Variants in NSL1 observed in about 807,000 individuals in gnomAD.
NSL1 encodes kinetochore-associated protein NSL1 homolog.
Under a neutral mutation model 25.4 loss-of-function variants are expected in NSL1, and 11 were observed. That is an observed-to-expected ratio of 0.43 (90% CI 0.27 to 0.72). The LOEUF (loss-of-function observed/expected upper bound fraction) is 0.72. Among genes scored for constraint, NSL1 ranks in the 30% least tolerant of loss-of-function variants. The pLI is 0.19. For missense variants in NSL1, 330 were observed against 342.7 expected (o/e 0.96, Z 0.29); for synonymous variants, 118 against 120.6 (o/e 0.98, Z 0.14).
chr1:212,756,277 G>A (rs573872252), intron 4 of NSL1, among the ~76,000 whole-genome samples: 1 of 152,084 alleles, frequency 6.6e-6, no homozygotes, highest in African/African-American at 2.4e-5. Flanking sequence ...GCACCACCAT[G>A]CTTGGCTAAT....
chr1:212,768,319 CAAAAAAAA>C (rs34528216), intron 4 of NSL1, among the ~76,000 whole-genome samples: 1 of 68,906 alleles, frequency 1.5e-5, no homozygotes, highest in South Asian at 5.5e-4. Flanking sequence ...GACTCCGTCT[CAAAAAAAA>C]AAAAAAAAAA....
At chr1:212,789,975 TACAG>T (rs1661111942) in intron 1 of NSL1, among the ~76,000 whole-genome samples, 1 of 152,054 alleles carries the variant, frequency 6.6e-6, no homozygotes, top group Admixed American at 6.5e-5. Flanking sequence ...CAAAACTACA[TACAG>T]AGTCACAACC....
At chr1:212,738,765 A>AT in intron 5 of NSL1, 79 bp from the exon 6 acceptor site, 2 of 1,146,140 alleles carry the variant, frequency 1.7e-6, no homozygotes, top group Non-Finnish European at 2.4e-6. Flanking sequence ...GCAGTACTCT[A>AT]ATTTTTTTTT....
chr1:212,747,861 T>A (rs1264067812), intron 4 of NSL1, among the ~76,000 whole-genome samples: 2 of 152,082 alleles, frequency 1.3e-5, no homozygotes, highest in East Asian at 3.9e-4. Flanking sequence ...TGCCTCCTGG[T>A]TCAAGTGATT....
chr1:212,766,508 G>A (rs1178212779), intron 4 of NSL1, among the ~76,000 whole-genome samples: 1 of 151,798 alleles, frequency 6.6e-6, no homozygotes, highest in African/African-American at 2.4e-5. Context: ...AGCCAGGCAT[G>A]GTGGCAGGCG....
chr1:212,767,515 G>T (rs1490926748), intron 4 of NSL1, among the ~76,000 whole-genome samples: 2 of 152,104 alleles, frequency 1.3e-5, no homozygotes, highest in Non-Finnish European at 2.9e-5. Flanking sequence ...CTTAGGCAAA[G>T]AATTCATGAC....
intron 4 of NSL1, among the ~76,000 whole-genome samples, chr1:212,754,852 GA>G (rs1348316319): frequency 6.8e-6 from 1 of 147,574 alleles, no homozygotes; most frequent in African/African-American, 2.5e-5. Context: ...AGCTAAACCA[GA>G]AATGATGGGA....
In NSL1 at chr1:212,737,681, C is replaced by G; in HGVS notation, c.*727G>C. ...ATTTGTAAAGAAATAAATAAGAAACCCTAAAAAGAAACCATTAGTTCCAAG... is the reference window on the plus strand; with the variant it reads ...ATTTGTAAAGAAATAAATAAGAAACGCTAAAAAGAAACCATTAGTTCCAAG... On this transcript the variant is annotated 3_prime_UTR_variant, in exon 6 of 6. Transcript: ENST00000366977. 5.2e-6 allele frequency: 5 copies of G among 963,984 alleles called. No individual in the cohort carries two copies. Among genetic ancestry groups the G allele is most frequent in the Non-Finnish European group, 6.2e-6 (5 of 810,672 alleles). 59.7% of individuals were successfully genotyped at this position (963,984 alleles called of 1,614,324 possible). A position where few individuals can be genotyped will look rare whatever the true frequency, so the allele number is the denominator to read the frequency against.
intron 4 of NSL1, among the ~76,000 whole-genome samples, chr1:212,739,802 A>C (rs1036134560): frequency 3.3e-5 from 5 of 152,260 alleles, no homozygotes; most frequent in African/African-American, 1.2e-4. Context: ...AAGATGGTAC[A>C]CAAAATTCTA....
At chr1:212,744,849 C>T (rs1658683869) in intron 4 of NSL1, among the ~76,000 whole-genome samples, 1 of 151,950 alleles carries the variant, frequency 6.6e-6, no homozygotes, top group Non-Finnish European at 1.5e-5. Context: ...TCAATATATG[C>T]ATAACAAGGC....
At position 212,735,555 on chromosome 1, in the gene NSL1, T is replaced by TA. The variant is rs1446637636; in HGVS notation, c.*2852dup. On this transcript the variant is annotated 3_prime_UTR_variant, in exon 6 of 6. Transcript: ENST00000366977. ...GATAAGATTTTCTGTGGGCTTGTGTTATGGACTCAATGTTTGTGTCCCCCT... is the reference window on the plus strand; with the variant it reads ...GATAAGATTTTCTGTGGGCTTGTGTTAATGGACTCAATGTTTGTGTCCCCCT... 2.0e-6 allele frequency: 2 copies of TA among 985,116 alleles called. No individual in the cohort carries two copies. The highest frequency in any genetic ancestry group is 3.5e-5 in the African/African-American group (2 of 57,220). 61.0% of individuals were successfully genotyped at this position (985,116 alleles called of 1,614,324 possible). A position where few individuals can be genotyped will look rare whatever the true frequency, so the allele number is the denominator to read the frequency against.
chr1:212,736,656 A>C lies in NSL1; in HGVS notation c.*1752T>G. The C allele has an allele frequency of 2.0e-6, 2 of 985,054 alleles. No individual in the cohort carries two copies. Among genetic ancestry groups the C allele is most frequent in the Non-Finnish European group, 2.4e-6 (2 of 829,552 alleles). The allele number at this position is 985,054 out of a possible 1,614,324, so 61.0% of individuals were successfully genotyped here. A position where few individuals can be genotyped will look rare whatever the true frequency, so the allele number is the denominator to read the frequency against. On this transcript the variant is annotated 3_prime_UTR_variant, in exon 6 of 6. Coordinates refer to ENST00000366977, the MANE Select transcript of NSL1 (RefSeq NM_015471.4). Reference sequence around the variant, plus strand: ...AACTTTGGGCTCTCAAGAGGATTTCAAATCTCAGCTGTCTGCCTGGGGACT... The same window carrying C: ...AACTTTGGGCTCTCAAGAGGATTTCCAATCTCAGCTGTCTGCCTGGGGACT...
In NSL1 at chr1:212,766,177, G is replaced by T. The variant is rs192284026; in HGVS notation, c.499+16195C>A. The T allele has an allele frequency of 1.4e-5, 8 of 560,734 alleles. No individual in the cohort carries two copies. In the East Asian group the frequency reaches 2.2e-4, roughly 16 times the overall value. 34.7% of individuals were successfully genotyped at this position (560,734 alleles called of 1,614,324 possible). A position where few individuals can be genotyped will look rare whatever the true frequency, so the allele number is the denominator to read the frequency against. On this transcript the variant is annotated intron_variant, in intron 4 of 5. Coordinates refer to ENST00000366977, the MANE Select transcript of NSL1 (RefSeq NM_015471.4). ...AAAAACCCTCAACAAACTAGGCAAA[G>T]AAGAGACTTACCTCGAAGTAATAAA...
Position 212,726,842 on chromosome 1 carries a change from G to A in NSL1, c.*11566C>T. The A allele has an allele frequency of 3.1e-6, 1 of 319,824 alleles. No homozygotes were observed. The highest frequency in any genetic ancestry group is 5.0e-5 in the East Asian group (1 of 20,058). The allele number at this position is 319,824 out of a possible 1,614,324, so 19.8% of individuals were successfully genotyped here. A position where few individuals can be genotyped will look rare whatever the true frequency, so the allele number is the denominator to read the frequency against. ...ATGTGGCACGTGGGGATCTCCAAATGACTTCTGTGCAACAACAGAGCCGAG... is the reference window on the plus strand; with the variant it reads ...ATGTGGCACGTGGGGATCTCCAAATAACTTCTGTGCAACAACAGAGCCGAG... On this transcript the variant is annotated 3_prime_UTR_variant, in exon 6 of 6. Transcript: ENST00000366977.
chr1:212,727,256 C>T lies in NSL1; in HGVS notation c.*11152G>A. ...AACTATATATGGCTTTCAAGACTTG[C>T]CTTGAGACTCAGAGCTGTTTCACAA... On this transcript the variant is annotated 3_prime_UTR_variant, in exon 6 of 6. Coordinates refer to ENST00000366977, the MANE Select transcript of NSL1 (RefSeq NM_015471.4). The T allele has an allele frequency of 7.2e-7, 1 of 1,380,924 alleles. No homozygotes were observed. Among genetic ancestry groups the T allele is most frequent in the South Asian group, 1.8e-5 (1 of 56,438 alleles). The allele number at this position is 1,380,924 out of a possible 1,614,324, so 85.5% of individuals were successfully genotyped here.
intron 4 of NSL1, among the ~76,000 whole-genome samples, chr1:212,767,267 G>C (rs1659864329): frequency 6.6e-6 from 1 of 152,190 alleles, no homozygotes; most frequent in Non-Finnish European, 1.5e-5. Flanking sequence ...GAACAGAACA[G>C]AGAACTCAGA....
intron 4 of NSL1, among the ~76,000 whole-genome samples, chr1:212,768,319 C>CAAA (rs34528216): frequency 1.9e-3 from 134 of 68,808 alleles, no homozygotes; most frequent in African/African-American, 3.8e-3. Context: ...GACTCCGTCT[C>CAAA]AAAAAAAAAA....
intron 4 of NSL1, among the ~76,000 whole-genome samples, chr1:212,771,168 GC>G (rs1413889102): frequency 2.6e-5 from 4 of 152,206 alleles, no homozygotes; most frequent in African/African-American, 9.6e-5. Flanking sequence ...ACAAAAATTA[GC>G]CAGGCGTGGT....
chr1:212,762,573 C>T (rs1659625240), intron 4 of NSL1, among the ~76,000 whole-genome samples: 1 of 152,012 alleles, frequency 6.6e-6, no homozygotes, highest in South Asian at 2.1e-4. Flanking sequence ...ATCCACAAAC[C>T]CTCTGAAAGA....
Sources: allele counts gnomAD v4.1 joint callset (sites outside exome capture counted in the v4.1 genomes callset), GRCh38; gene constraint gnomAD v4.1.1; transcripts MANE v1.5; gene names NCBI Gene and HGNC (gene_info 2026-07-23, HGNC 2026-07-21).